Variants in SLIT3 observed in about 807,000 individuals in gnomAD.
The protein encoded by SLIT3 is slit homolog 3 protein.
Under a neutral mutation model 184.0 loss-of-function variants are expected in SLIT3, and 68 were observed. That is an observed-to-expected ratio of 0.37 (90% confidence interval 0.30 to 0.45). SLIT3 has a LOEUF of 0.45. SLIT3 is among the 20% of genes least tolerant of loss of function. SLIT3 has a pLI of 1.00. For synonymous variants in SLIT3, 831 were observed against 828.6 expected, an observed-to-expected ratio of 1.00 and a Z score of -0.05; for missense variants, 1,707 against 2,026.0, an observed-to-expected ratio of 0.84 and a Z score of 3.02.
chr5:169,144,317 T>TC (rs1388307681), intron 4 of SLIT3, among the ~76,000 whole-genome samples: 1 of 152,146 alleles, frequency 6.6e-6, no homozygotes, highest in Non-Finnish European at 1.5e-5. Flanking sequence ...GGCCCCCAAG[T>TC]CCCTTTGTCG....
At chr5:169,074,131 C>T (rs1225578681) in intron 4 of SLIT3, among the ~76,000 whole-genome samples, 2 of 152,160 alleles carry the variant, frequency 1.3e-5, no homozygotes, top group Non-Finnish European at 2.9e-5. Flanking sequence ...CAGTAGTTTT[C>T]AGAGCCCCAG....
chr5:168,974,379 A>G (rs1754681681), intron 4 of SLIT3, among the ~76,000 whole-genome samples: 1 of 152,070 alleles, frequency 6.6e-6, no homozygotes, highest in African/African-American at 2.4e-5. Flanking sequence ...GGCCTCTACC[A>G]CTCCAGGAAA....
In SLIT3 at chr5:168,700,575, C is replaced by T. The variant is rs371039895; in HGVS notation, c.2942+7G>A. On this transcript the variant is annotated splice_region_variant and intron_variant, in intron 27 of 35. Coordinates refer to ENST00000519560, the MANE Select transcript of SLIT3 (RefSeq NM_003062.4). Reference sequence around the variant, plus strand: ...TACAGTGAGGGAGGCCAGGGGTGAACTGTTACCTGAACCCATCCTTGTGGC... The same window carrying T: ...TACAGTGAGGGAGGCCAGGGGTGAATTGTTACCTGAACCCATCCTTGTGGC... The T allele has an allele frequency of 1.1e-5, 17 of 1,607,824 alleles. No homozygotes were observed. In the African/African-American group the frequency reaches 2.3e-4, roughly 22 times the overall value.
At chr5:168,762,822 G>T (rs1016177740) in intron 14 of SLIT3, 133 bp from the exon 15 acceptor site, 8 of 822,844 alleles carry the variant, frequency 9.7e-6, no homozygotes, top group Non-Finnish European at 1.6e-5. Flanking sequence ...AACAGACACG[G>T]CATCGCCTTT....
At position 169,257,533 on chromosome 5, in the gene SLIT3, CTTTTTTTTTTTTT is replaced by C. The variant is rs1157258489; in HGVS notation, c.198-6087_198-6075del. Among the ~76,000 whole-genome samples the C allele has an allele frequency of 1.2e-4, 10 of 80,962 alleles. No individual in the cohort carries two copies. The South Asian group carries it at 2.2e-3, about 18-fold the overall frequency. 53.1% of individuals were successfully genotyped at this position (80,962 alleles called of 152,430 possible). Reference sequence around the variant, plus strand: ...TTGATACAATAGCTTTCTATGCCTCCTTTTTTTTTTTTTTTTTTTTTTTTTTTTTTTGAGACGG... The same window carrying C: ...TTGATACAATAGCTTTCTATGCCTCCTTTTTTTTTTTTTTTTTTGAGACGG... On this transcript the variant is annotated intron_variant, in intron 1 of 35. Transcript: ENST00000519560.
chr5:169,262,049 G>C (rs896508642), intron 1 of SLIT3, among the ~76,000 whole-genome samples: 1 of 152,170 alleles, frequency 6.6e-6, no homozygotes, highest in African/African-American at 2.4e-5. Flanking sequence ...CTTGGAAGCA[G>C]GTCCTTCTCC....
intron 30 of SLIT3, 139 bp downstream of exon 30, chr5:168,686,838 CAG>C (rs1761758385): frequency 2.3e-6 from 2 of 886,330 alleles, no homozygotes; most frequent in Non-Finnish European, 3.5e-6. Flanking sequence ...GCAAAGGTAT[CAG>C]GGGAATAAAG....
At chr5:168,884,425 T>TCACACA (rs768704242) in intron 4 of SLIT3, among the ~76,000 whole-genome samples, 2,525 of 141,506 alleles carry the variant, frequency 0.018, 36 homozygotes, top group Non-Finnish European at 0.022. Context: ...TCTCTCTCTC[T>TCACACA]CTCACACACA....
chr5:169,129,058 G>T (rs1439719745), intron 4 of SLIT3, among the ~76,000 whole-genome samples: 1 of 152,144 alleles, frequency 6.6e-6, no homozygotes, highest in African/African-American at 2.4e-5. Flanking sequence ...GGGAGCGGGG[G>T]TTATAATTCC....
intron 4 of SLIT3, among the ~76,000 whole-genome samples, chr5:168,956,146 A>G (rs1245915872): frequency 6.6e-6 from 1 of 152,248 alleles, no homozygotes; most frequent in East Asian, 1.9e-4. Flanking sequence ...TTTCCCAGAG[A>G]GAAATCAATT....
At chr5:169,106,423 C>T (rs544656147) in intron 4 of SLIT3, among the ~76,000 whole-genome samples, 4 of 152,270 alleles carry the variant, frequency 2.6e-5, no homozygotes, top group South Asian at 4.1e-4. Context: ...ACTCAATGGA[C>T]ATTTCTGTCA....
intron 2 of SLIT3, among the ~76,000 whole-genome samples, chr5:169,248,157 A>G (rs1055902939): frequency 2.0e-5 from 3 of 152,132 alleles, no homozygotes; most frequent in African/African-American, 7.2e-5. Context: ...TGTGCTCCTT[A>G]AGGCCCAGGG....
intron 3 of SLIT3, among the ~76,000 whole-genome samples, chr5:169,226,859 C>T (rs1764830431): frequency 6.6e-6 from 1 of 152,142 alleles, no homozygotes; most frequent in South Asian, 2.1e-4. Flanking sequence ...CTACGTTTTA[C>T]AATGTGGGAC....
intron 4 of SLIT3, among the ~76,000 whole-genome samples, chr5:169,080,792 T>C (rs888850286): frequency 6.6e-6 from 1 of 152,224 alleles, no homozygotes; most frequent in African/African-American, 2.4e-5. Context: ...TGTAGTGCTT[T>C]TCCTGCTATG....
At chr5:168,928,087 T>C (rs955616368) in intron 4 of SLIT3, among the ~76,000 whole-genome samples, 1 of 152,222 alleles carries the variant, frequency 6.6e-6, no homozygotes, top group Non-Finnish European at 1.5e-5. Context: ...TTATTAAGTG[T>C]TACCTTCCCA....
intron 32 of SLIT3, among the ~76,000 whole-genome samples, chr5:168,678,402 C>T (rs944258774): frequency 5.9e-5 from 9 of 152,174 alleles, no homozygotes; most frequent in African/African-American, 1.4e-4. Context: ...TTTGGGATTA[C>T]ATCCTTGAAT....
rs550934819 is a variant in SLIT3, at chr5:168,858,599, G to A, written c.486-13944C>T. Among the ~76,000 whole-genome samples, 104 of 152,344 alleles carry A rather than the reference G, an allele frequency of 6.8e-4. 2 individuals carry two copies. In the South Asian group the frequency reaches 0.02, roughly 29 times the overall value. On this transcript the variant is annotated intron_variant, in intron 5 of 35. Coordinates refer to ENST00000519560, the MANE Select transcript of SLIT3 (RefSeq NM_003062.4). ...TCCCCTGCAGCAGCGTTGGGCTTAC[G>A]CGTTGGGCTCCCAGCAGCTTTCTGA...
chr5:169,289,708 G>A (rs1213051855), intron 1 of SLIT3, among the ~76,000 whole-genome samples: 1 of 152,244 alleles, frequency 6.6e-6, no homozygotes, highest in Non-Finnish European at 1.5e-5. Flanking sequence ...AGAATACATA[G>A]AGGGCAGTAG....
intron 10 of SLIT3, chr5:168,789,865 C>T (rs894154043): frequency 4.0e-6 from 2 of 499,906 alleles, no homozygotes; most frequent in African/African-American, 3.9e-5. Flanking sequence ...AGAATACTCA[C>T]CCGTGGCATC....
Sources: allele counts gnomAD v4.1 joint callset (sites outside exome capture counted in the v4.1 genomes callset), GRCh38; gene constraint gnomAD v4.1.1; transcripts MANE v1.5; gene names NCBI Gene and HGNC (gene_info 2026-07-23, HGNC 2026-07-21).